The following GPC2 variants were observed in gnomAD, a reference collection of about 807,000 sequenced individuals.
The protein encoded by GPC2 is glypican-2.
Under a neutral mutation model 57.3 loss-of-function variants are expected in GPC2, and 42 were observed. That is an observed-to-expected ratio of 0.73 (90% CI 0.57 to 0.95). The LOEUF (loss-of-function observed/expected upper bound fraction) is 0.95, where lower values mean the gene tolerates loss of function less well. GPC2 is among the 40% of genes least tolerant of loss of function. The probability of loss-of-function intolerance (pLI) is 0.00; values close to 1 mark genes in which losing one functional copy is unlikely to be tolerated. For synonymous variants in GPC2, 364 were observed against 343.4 expected (o/e 1.06, Z -0.66); for missense variants, 745 against 793.6 (o/e 0.94, Z 0.74).
At position 100,177,016 on chromosome 7, in the gene GPC2, C is replaced by T. The variant is rs768521153; in HGVS notation, c.166+18G>A. ...CGCCCCCCACCCCCAATTCTCTAGTCTTCCTCTTTCTCCTCACCTGAGATC... is the reference window on the plus strand; with the variant it reads ...CGCCCCCCACCCCCAATTCTCTAGTTTTCCTCTTTCTCCTCACCTGAGATC... On this transcript the variant is annotated intron_variant, in intron 1 of 9. Transcript: ENST00000292377. The T allele has an allele frequency of 2.7e-5, 13 of 487,916 alleles. No homozygotes were observed. The highest frequency in any genetic ancestry group is 4.8e-5 in the Non-Finnish European group (13 of 269,514). 30.2% of individuals were successfully genotyped at this position (487,916 alleles called of 1,614,324 possible). A position where few individuals can be genotyped will look rare whatever the true frequency, so the allele number is the denominator to read the frequency against.
Position 100,175,566 on chromosome 7 carries a change from C to T in GPC2, c.648+6G>A. On this transcript the variant is annotated splice_donor_region_variant and intron_variant, in intron 3 of 9. Coordinates refer to ENST00000292377, the MANE Select transcript of GPC2 (RefSeq NM_152742.3). ...TGGTTGAAGCTCAGGCCTCAGGATCCCTCACCTGCAGGCGGAGGCGGCGGG... is the reference window on the plus strand; with the variant it reads ...TGGTTGAAGCTCAGGCCTCAGGATCTCTCACCTGCAGGCGGAGGCGGCGGG... The T allele has an allele frequency of 1.9e-6, 3 of 1,600,910 alleles. No individual in the cohort carries two copies. The highest frequency in any genetic ancestry group is 2.6e-6 in the Non-Finnish European group (3 of 1,172,986).
At chr7:100,176,504 G>C in intron 1 of GPC2, 139 bp from the exon 2 acceptor site, 1 of 746,700 alleles carries the variant, frequency 1.3e-6, no homozygotes, top group Admixed American at 2.8e-5. Flanking sequence ...TTCCCTACCT[G>C]AACCTATCCC....
rs975966677 is a variant in GPC2 at position 100,174,003 on chromosome 7, G to T, written c.730-6C>A. 6.4e-7 allele frequency: 1 copy of T among 1,563,958 alleles called. No homozygotes were observed. ...CAGCCTTCAGACACCGGCACCTGGG[G>T]GCAGAGAGTGGGGCTGTGTCCTCCA... On this transcript the variant is annotated splice_polypyrimidine_tract_variant and splice_region_variant and intron_variant, in intron 4 of 9. Transcript: ENST00000292377.
Position 100,171,701 on chromosome 7 carries a change from G to A in GPC2, c.1171-23C>T, listed in dbSNP as rs1389010732. 1 of 1,480,312 alleles carries A rather than the reference G, an allele frequency of 6.8e-7. No homozygotes were observed. Among genetic ancestry groups the A allele is most frequent in the Non-Finnish European group, 8.9e-7 (1 of 1,125,396 alleles). The allele number at this position is 1,480,312 out of a possible 1,614,324, so 91.7% of individuals were successfully genotyped here. A position where few individuals can be genotyped will look rare whatever the true frequency, so the allele number is the denominator to read the frequency against. ...CACCTGGGCGGGCGAGAGGGGGCGG[G>A]GCGAGCTGGAGCGCGACCCCCACAA... is the stretch of plus-strand genomic sequence containing the variant. On this transcript the variant is annotated intron_variant, in intron 7 of 9. Coordinates refer to ENST00000292377, the MANE Select transcript of GPC2 (RefSeq NM_152742.3). This position sits in a 1 kb window ranked among gnomAD's most constrained non-coding sequence, Gnocchi z 4.8.
chr7:100,174,876 C>T (rs1799241543), intron 3 of GPC2, 111 bp from the exon 4 acceptor site: 1 of 742,582 alleles, frequency 1.3e-6, no homozygotes, highest in South Asian at 1.7e-5. Flanking sequence ...GTGGGGTTCT[C>T]TCAGAGTGGG....
In GPC2 at chr7:100,174,837, C is replaced by G; in HGVS notation, c.649-72G>C. The G allele has an allele frequency of 5.2e-6, 6 of 1,151,334 alleles. No individual in the cohort carries two copies. The East Asian group carries it at 7.1e-5, about 14-fold the overall frequency. The allele number at this position is 1,151,334 out of a possible 1,614,324, so 71.3% of individuals were successfully genotyped here. A position where few individuals can be genotyped will look rare whatever the true frequency, so the allele number is the denominator to read the frequency against. On this transcript the variant is annotated intron_variant, in intron 3 of 9. Transcript: ENST00000292377. ...GTCAGTCAAGACTGGAGCCAAGAGA[C>G]TGCATCAAGAGCAGTGAGGGTTGGG... is the stretch of plus-strand genomic sequence containing the variant.
intron 1 of GPC2, 133 bp from the exon 2 acceptor site, chr7:100,176,498 CT>C: frequency 1.3e-6 from 1 of 794,562 alleles, no homozygotes; most frequent in Non-Finnish European, 2.0e-6. Context: ...ACCCTCTTCC[CT>C]ACCTGAACCT....
chr7:100,176,251 G>A lies in GPC2; in HGVS notation c.281C>T (p.Ser94Phe). ...GGCAGCCAGTGTGTGAACCAGAAAG[G>A]AGCCGCTGTCCTCCACCAGGCCTCG... is the stretch of plus-strand genomic sequence containing the variant. ...TFRGLVEDSG[S>F]FLVHTLAARH... is the part of the protein sequence containing the mutation. Residue 94 changes from serine to phenylalanine, a missense_variant, in exon 2 of 10, where the codon TCC (serine) becomes TTC (phenylalanine). Around this residue, in one of 2 missense-constraint regions of GPC2, gnomAD observed 138 missense variants for 189.8 expected, o/e 0.73. Coordinates refer to ENST00000292377, the MANE Select transcript of GPC2 (RefSeq NM_152742.3). The A allele has an allele frequency of 6.2e-7, 1 of 1,613,672 alleles. No homozygotes were observed. Among genetic ancestry groups the A allele is most frequent in the Non-Finnish European group, 8.5e-7 (1 of 1,179,822 alleles).
Position 100,171,260 on chromosome 7 carries a change from C to A in GPC2, c.1486+1G>T. 6.5e-7 allele frequency: 1 copy of A among 1,531,522 alleles called. No homozygotes were observed. Among genetic ancestry groups the A allele is most frequent in the African/African-American group, 1.4e-5 (1 of 70,638 alleles). 94.9% of individuals were successfully genotyped at this position (1,531,522 alleles called of 1,614,324 possible). A position where few individuals can be genotyped will look rare whatever the true frequency, so the allele number is the denominator to read the frequency against. On this transcript the variant is annotated splice_donor_variant, in intron 9 of 9. Transcript: ENST00000292377. LOFTEE classifies it high-confidence loss of function. The surrounding 1 kb of genome is among the most constrained non-coding windows in gnomAD (Gnocchi z 4.8). The stretch of plus-strand genomic sequence containing the variant: ...CAGGCTCAGGGATGCAGGGGTCTCA[C>A]CCGCGTCCTGCCCGTCCAGGTCGTG...
At chr7:100,175,233 T>C (rs1236336041) in intron 3 of GPC2, among the ~76,000 whole-genome samples, 1 of 152,198 alleles carries the variant, frequency 6.6e-6, no homozygotes, top group African/African-American at 2.4e-5. Flanking sequence ...AATTCCTGTT[T>C]AGTTGAACCA....
chr7:100,170,520 G>A (rs1799160453), intron 9 of GPC2, 37 bp from the exon 10 acceptor site: 1 of 1,435,958 alleles, frequency 7.0e-7, no homozygotes, highest in East Asian at 2.6e-5. Flanking sequence ...GGATGGGAGG[G>A]AGAAGCAGAG....
chr7:100,176,865 G>C (rs1799299134), intron 1 of GPC2, among the ~76,000 whole-genome samples, 169 bp downstream of exon 1: 1 of 152,130 alleles, frequency 6.6e-6, no homozygotes, highest in African/African-American at 2.4e-5. Flanking sequence ...TTGCATAGGA[G>C]GGTTATTGTG....
At chr7:100,174,864 G>T in intron 3 of GPC2, 99 bp from the exon 4 acceptor site, 1 of 845,970 alleles carries the variant, frequency 1.2e-6, no homozygotes, top group Non-Finnish European at 1.9e-6. Flanking sequence ...AGGGTTGGGT[G>T]TGTGGGGTTC....
In GPC2 at chr7:100,171,538, C is replaced by A; in HGVS notation, c.1310+1G>T. The A allele has an allele frequency of 7.0e-7, 1 of 1,432,218 alleles. No homozygotes were observed. Among genetic ancestry groups the A allele is most frequent in the Non-Finnish European group, 9.1e-7 (1 of 1,099,714 alleles). 88.7% of individuals were successfully genotyped at this position (1,432,218 alleles called of 1,614,324 possible). A position where few individuals can be genotyped will look rare whatever the true frequency, so the allele number is the denominator to read the frequency against. The stretch of plus-strand genomic sequence containing the variant: ...TGCCCCCCGACGCCCCCGAGGCTCA[C>A]CGGCCCCGCCCGGCTCCGGTCCAGC... On this transcript the variant is annotated splice_donor_variant, in intron 8 of 9. Transcript: ENST00000292377. LOFTEE classifies it high-confidence loss of function. This position sits in a 1 kb window ranked among gnomAD's most constrained non-coding sequence, Gnocchi z 4.8.
rs139741634 is a variant in GPC2, at chr7:100,171,263, G to A, written c.1484C>T (p.Ala495Val). Residue 495 changes from alanine (A) to valine (V), a missense_variant and splice_region_variant, in exon 9 of 10, where the codon GCG (alanine) becomes GTG (valine). By Grantham distance (64) the Ala-to-Val change is moderately conservative (BLOSUM62 0). This residue lies in a region of GPC2 where 607 missense variants were observed against 603.9 expected (regional missense o/e 1.01). Transcript: ENST00000292377. This position sits in a 1 kb window ranked among gnomAD's most constrained non-coding sequence, Gnocchi z 4.8. ...GCTCAGGGATGCAGGGGTCTCACCC[G>A]CGTCCTGCCCGTCCAGGTCGTGTCC... ...ALGHDLDGQD[A>V]DEDASGSGGG... is the part of the protein sequence containing the mutation. 14 of 1,532,042 alleles carry A rather than the reference G, an allele frequency of 9.1e-6. No homozygotes were observed. Among genetic ancestry groups the A allele is most frequent in the South Asian group, 2.4e-5 (2 of 83,316 alleles). The allele number at this position is 1,532,042 out of a possible 1,614,324, so 94.9% of individuals were successfully genotyped here.
chr7:100,172,296 G>T lies in GPC2; in HGVS notation c.893-79C>A, dbSNP rs1027585319. On this transcript the variant is annotated intron_variant, in intron 5 of 9. Transcript: ENST00000292377. Reference sequence around the variant, plus strand: ...GGATGTTCCTGAAAATCCTCACTCGGGCCTTAGAGAAGCAGCAAAGTGTTT... The same window carrying T: ...GGATGTTCCTGAAAATCCTCACTCGTGCCTTAGAGAAGCAGCAAAGTGTTT... The T allele has an allele frequency of 2.0e-6, 3 of 1,478,862 alleles. No individual in the cohort carries two copies. In the African/African-American group the frequency reaches 4.2e-5, roughly 21 times the overall value. 91.6% of individuals were successfully genotyped at this position (1,478,862 alleles called of 1,614,324 possible).
At chr7:100,174,507 C>A (rs762455397) in intron 4 of GPC2, 178 bp downstream of exon 4, 1 of 691,434 alleles carries the variant, frequency 1.4e-6, no homozygotes, top group African/African-American at 1.8e-5. Flanking sequence ...GGATCGTGGA[C>A]CATTGGAGGT....
At chr7:100,176,096 G>GGGGGGGGGGGGGGA in intron 2 of GPC2, 111 bp downstream of exon 2, 1 of 395,286 alleles carries the variant, frequency 2.5e-6, no homozygotes, top group Non-Finnish European at 4.0e-6. Context: ...GGCGGGCTGG[G>GGGGGGGGGGGGGGA]AGGGGATGGA....
chr7:100,174,835 G>T, intron 3 of GPC2, 70 bp from the exon 4 acceptor site: 2 of 1,177,494 alleles, frequency 1.7e-6, no homozygotes, highest in Non-Finnish European at 2.5e-6. Context: ...GGAGCCAAGA[G>T]ACTGCATCAA....
Sources: allele counts gnomAD v4.1 joint callset (sites outside exome capture counted in the v4.1 genomes callset), GRCh38; gene constraint gnomAD v4.1.1; regional missense constraint gnomAD v4.1.1; non-coding constraint Gnocchi (gnomAD v3.1); transcripts MANE v1.5; gene names NCBI Gene and HGNC (gene_info 2026-07-23, HGNC 2026-07-21).